The following H2AJ variants were observed in gnomAD, a reference collection of about 807,000 sequenced individuals.
H2AJ encodes histone H2A.J.
H2AJ carries 3 observed loss-of-function variants against 7.9 expected under a neutral mutation model. The observed-to-expected ratio is 0.38, with a 90% CI of 0.17 to 0.98. H2AJ has a LOEUF of 0.98. Ranked by LOEUF, H2AJ falls within the 50% of genes least tolerant of loss-of-function variation. H2AJ has a pLI of 0.39. For synonymous variants in H2AJ, 98 were observed against 85.7 expected, an observed-to-expected ratio of 1.14 and a Z score of -0.79; for missense variants, 128 against 174.4, an observed-to-expected ratio of 0.73 and a Z score of 1.50.
At chr12:14,775,471 C>G, downstream of H2AJ, 9 of 470,648 alleles carry the variant, frequency 1.9e-5, no homozygotes, top group South Asian at 1.4e-4. Context: ...TCTTCCTAGC[C>G]TAGTAGCTGC....
Position 14,774,430 on chromosome 12 carries a change from C to G in H2AJ, c.-41C>G. 1 of 1,524,290 alleles carries G rather than the reference C, an allele frequency of 6.6e-7. No individual in the cohort carries two copies. Among genetic ancestry groups the G allele is most frequent in the Non-Finnish European group, 8.8e-7 (1 of 1,137,972 alleles). The allele number at this position is 1,524,290 out of a possible 1,614,324, so 94.4% of individuals were successfully genotyped here. The stretch of plus-strand genomic sequence containing the variant: ...GCATTCCGGTACCGGACGCCGAGAG[C>G]GGTTTGTCTCCGTCTCTGGAGTTGT... On this transcript the variant is annotated 5_prime_UTR_variant, in exon 1 of 1. Coordinates refer to ENST00000544848, the MANE Select transcript of H2AJ (RefSeq NM_177925.5).
downstream of H2AJ, chr12:14,775,326 G>A (rs778005639): frequency 6.4e-6 from 3 of 471,598 alleles, no homozygotes; most frequent in South Asian, 3.1e-5. Context: ...GAGCACTCAG[G>A]ACCAAGTTCT....
Position 14,774,612 on chromosome 12 carries a change from G to A in H2AJ, c.142G>A (p.Ala48Thr). 1 of 1,614,040 alleles carries A rather than the reference G, an allele frequency of 6.2e-7. No homozygotes were observed. Among genetic ancestry groups the A allele is most frequent in the Non-Finnish European group, 8.5e-7 (1 of 1,179,980 alleles). ...CTACGCGGAGCGAGTGGGCGCCGGG[G>A]CGCCGGTGTACCTGGCGGCGGTGTT... is the stretch of plus-strand genomic sequence containing the variant. ...GNYAERVGAG[A>T]PVYLAAVLEY... The change falls in exon 1 of 1, where the codon GCG becomes ACG. Residue 48 changes from alanine (A) to threonine (T), a missense_variant. Physicochemically the swap from Ala to Thr is moderately conservative, Grantham distance 58. Coordinates refer to ENST00000544848, the MANE Select transcript of H2AJ (RefSeq NM_177925.5).
At chr12:14,775,232 G>C, downstream of H2AJ, 1 of 486,334 alleles carries the variant, frequency 2.1e-6, no homozygotes, top group South Asian at 1.6e-5. Context: ...AGGGCAAAGG[G>C]GAGGCAGAGT....
At chr12:14,776,543 G>A (rs1159824395), downstream of H2AJ, 1 of 167,024 alleles carries the variant, frequency 6.0e-6, no homozygotes, top group East Asian at 1.9e-4. Flanking sequence ...TTTACTCTGT[G>A]GTTTTGTCAT....
chr12:14,777,611 A>C (rs770097119), downstream of H2AJ: 3 of 167,062 alleles, frequency 1.8e-5, no homozygotes, highest in Admixed American at 1.3e-4. Context: ...AGCTCTCTGC[A>C]ATGAGACTTA....
chr12:14,776,309 C>G (rs147234072), downstream of H2AJ: 9 of 167,172 alleles, frequency 5.4e-5, no homozygotes, highest in Admixed American at 2.0e-4. Context: ...TCCACTCTCT[C>G]GGAGCTCACT....
At chr12:14,776,578 T>A (rs957665637), downstream of H2AJ, 3 of 167,110 alleles carry the variant, frequency 1.8e-5, no homozygotes, top group South Asian at 6.2e-4. Context: ...ACACCTGTTT[T>A]AAGGATTGAG....
chr12:14,775,532 T>C, downstream of H2AJ: 1 of 393,262 alleles, frequency 2.5e-6, no homozygotes, highest in Non-Finnish European at 5.2e-6. Flanking sequence ...ACTTTTATGT[T>C]CATATTTTTT....
downstream of H2AJ, chr12:14,775,433 C>T (rs1324277209): frequency 2.1e-6 from 1 of 471,148 alleles, no homozygotes; most frequent in Non-Finnish European, 4.4e-6. Flanking sequence ...GGAAGGGTGG[C>T]TCTGATGGCA....
downstream of H2AJ, chr12:14,775,375 A>T (rs1949624136): frequency 2.1e-6 from 1 of 471,242 alleles, no homozygotes; most frequent in Non-Finnish European, 4.4e-6. Flanking sequence ...TCGGGGCAGG[A>T]AGTGTCTGCG....
chr12:14,774,558 C>T lies in H2AJ; in HGVS notation c.88C>T (p.Arg30Ter). 1.9e-6 allele frequency: 3 copies of T among 1,613,436 alleles called. No individual in the cohort carries two copies. Among genetic ancestry groups the T allele is most frequent in the Admixed American group, 3.3e-5 (2 of 59,846 alleles). Residue 30 changes from arginine (R) to a stop codon, truncating the protein, a stop_gained, in exon 1 of 1, where the codon CGA (arginine) becomes TGA (stop). Transcript: ENST00000544848. LOFTEE classifies it high-confidence loss of function. ...SRAGLQFPVG[R>*]VHRLLRKGNY... ...CGCGGGCCTGCAGTTCCCGGTGGGCCGAGTGCACAGACTGCTGCGCAAAGG... is the reference window on the plus strand; with the variant it reads ...CGCGGGCCTGCAGTTCCCGGTGGGCTGAGTGCACAGACTGCTGCGCAAAGG...
chr12:14,777,090 G>C (rs902448485), downstream of H2AJ: 29 of 166,718 alleles, frequency 1.7e-4, no homozygotes, highest in African/African-American at 6.3e-4. Flanking sequence ...TTTTGTTTTT[G>C]AGAGTTTTTT....
At chr12:14,775,778 G>T, downstream of H2AJ, 1 of 226,476 alleles carries the variant, frequency 4.4e-6, no homozygotes. Flanking sequence ...TGCTTTTAGG[G>T]GTTCTTACCC....
chr12:14,776,035 TC>T (rs1267456732), downstream of H2AJ: 1 of 167,176 alleles, frequency 6.0e-6, no homozygotes, highest in Non-Finnish European at 1.5e-5. Context: ...TATTTCATCC[TC>T]AGCAAATTTC....
At position 14,774,686 on chromosome 12, in the gene H2AJ, T is replaced by G; in HGVS notation, c.216T>G (p.Arg72=). 3 of 1,614,084 alleles carry G rather than the reference T, an allele frequency of 1.9e-6. No homozygotes were observed. Among genetic ancestry groups the G allele is most frequent in the Non-Finnish European group, 2.5e-6 (3 of 1,180,018 alleles). The part of the protein sequence containing the change: ...EILELAGNAA[R]DNKKTRIIPR... ...TGGAGCTGGCTGGCAACGCCGCGCG[T>G]GACAACAAGAAGACCAGGATAATTC... The change falls in exon 1 of 1, where the codon CGT becomes CGG. Residue 72 remains arginine (R), a synonymous_variant. Coordinates refer to ENST00000544848, the MANE Select transcript of H2AJ (RefSeq NM_177925.5).
rs1021962633 is a variant in H2AJ, at chr12:14,774,504, C to A, written c.34C>A (p.Arg12=). ...TCGCGGGAAACAGGGCGGCAAAGTG[C>A]GAGCAAAGGCCAAATCCCGCTCCTC... is the stretch of plus-strand genomic sequence containing the variant. The part of the protein sequence containing the change: ...SGRGKQGGKV[R]AKAKSRSSRA... The change falls in exon 1 of 1, where the codon CGA becomes AGA. Residue 12 remains arginine (R), a synonymous_variant. Transcript: ENST00000544848. 9 of 1,592,146 alleles carry A rather than the reference C, an allele frequency of 5.7e-6. No individual in the cohort carries two copies. Among genetic ancestry groups the A allele is most frequent in the South Asian group, 1.1e-5 (1 of 88,196 alleles).
chr12:14,776,033 C>T (rs1949635302), downstream of H2AJ: 1 of 167,126 alleles, frequency 6.0e-6, no homozygotes. Context: ...TTTATTTCAT[C>T]CTCAGCAAAT....
Position 14,775,016 on chromosome 12 carries a change from T to G in H2AJ, c.*156T>G. On this transcript the variant is annotated 3_prime_UTR_variant, in exon 1 of 1. Transcript: ENST00000544848. Reference sequence around the variant, plus strand: ...TCCCGGCGGGAGCCAATAAAGTTGGTGAAAATCGTTTGGTCGAGAGAGCTG... The same window carrying G: ...TCCCGGCGGGAGCCAATAAAGTTGGGGAAAATCGTTTGGTCGAGAGAGCTG... 1 of 880,574 alleles carries G rather than the reference T, an allele frequency of 1.1e-6. No individual in the cohort carries two copies. The highest frequency in any genetic ancestry group is 1.7e-6 in the Non-Finnish European group (1 of 578,160). 54.5% of individuals were successfully genotyped at this position (880,574 alleles called of 1,614,324 possible).
Sources: gnomAD v4.1 joint callset for allele counts on GRCh38, gnomAD v4.1.1 for gene constraint, MANE v1.5 for transcripts, NCBI Gene and HGNC (gene_info 2026-07-23, HGNC 2026-07-21) for gene names.